KMT2E: variants seen among roughly 807,000 people sequenced by gnomAD.
KMT2E encodes the protein histone reader KMT2E.
In KMT2E, 30 loss-of-function variants were observed where a neutral mutation model predicts 184.6. That is an observed-to-expected ratio of 0.16 (90% CI 0.12 to 0.22). KMT2E has a LOEUF of 0.22. KMT2E is among the 10% of genes least tolerant of loss of function. KMT2E has a pLI of 1.00. For synonymous variants in KMT2E, 815 were observed against 776.5 expected, an observed-to-expected ratio of 1.05 and a Z score of -0.82; for missense variants, 2,023 against 2,237.4, an observed-to-expected ratio of 0.90 and a Z score of 1.93.
At chr7:105,044,708 A>G (rs1796024820) in intron 3 of KMT2E, among the ~76,000 whole-genome samples, 1 of 152,200 alleles carries the variant, frequency 6.6e-6, no homozygotes, top group Admixed American at 6.5e-5. Context: ...CATACCAGGC[A>G]GGACACAGTA....
intron 4 of KMT2E, 58 bp downstream of exon 4, chr7:105,062,336 T>TA: frequency 8.9e-7 from 1 of 1,120,450 alleles, no homozygotes. Flanking sequence ...TGAAAGTAGA[T>TA]GCATGTGATA....
At chr7:105,092,418 G>A (rs191225906) in intron 15 of KMT2E, among the ~76,000 whole-genome samples, 2 of 152,164 alleles carry the variant, frequency 1.3e-5, no homozygotes, top group African/African-American at 2.4e-5. Flanking sequence ...AAAAAGTTTG[G>A]TCATTGTTGA....
chr7:105,088,178 C>T (rs1005664464), intron 13 of KMT2E, among the ~76,000 whole-genome samples: 4 of 152,252 alleles, frequency 2.6e-5, no homozygotes, highest in South Asian at 2.1e-4. Context: ...TCACTGACTA[C>T]GTAACCTTGG....
intron 15 of KMT2E, among the ~76,000 whole-genome samples, chr7:105,097,716 A>C (rs1798471438): frequency 6.6e-6 from 1 of 152,158 alleles, no homozygotes; most frequent in African/African-American, 2.4e-5. Flanking sequence ...CTCAGTTCAA[A>C]CAAAATGAGG....
At chr7:105,092,872 T>C (rs1798262287) in intron 15 of KMT2E, among the ~76,000 whole-genome samples, 1 of 152,080 alleles carries the variant, frequency 6.6e-6, no homozygotes, top group Non-Finnish European at 1.5e-5. Context: ...AGGGCTGTAG[T>C]GACCACTTTG....
chr7:105,101,997 A>G lies in KMT2E; in HGVS notation c.1999A>G (p.Arg667Gly). Residue 667 changes from arginine to glycine, a missense_variant, in exon 17 of 27, where the codon AGA becomes GGA. Transcript: ENST00000311117. ...GACTCACATTGGACAGCAGCGTCGG[A>G]GACACAGAACTGTCAGCATGTGTTC... ...SRTHIGQQRR[R>G]HRTVSMCSDI... 1 of 1,614,002 alleles carries G rather than the reference A, an allele frequency of 6.2e-7. No individual in the cohort carries two copies. The highest frequency in any genetic ancestry group is 8.5e-7 in the Non-Finnish European group (1 of 1,179,902).
chr7:105,021,234 GCTT>G (rs1206876129), intron 1 of KMT2E, among the ~76,000 whole-genome samples: 4 of 152,196 alleles, frequency 2.6e-5, no homozygotes, highest in South Asian at 2.1e-4. Flanking sequence ...ATAAGTCTCT[GCTT>G]CTTCTCTTTA....
At chr7:105,035,900 T>G (rs904892207) in intron 1 of KMT2E, among the ~76,000 whole-genome samples, 1 of 152,080 alleles carries the variant, frequency 6.6e-6, no homozygotes, top group Non-Finnish European at 1.5e-5. Flanking sequence ...TTTGCCCACG[T>G]TTGTGGTGTT....
chr7:105,046,903 G>A (rs193266721), intron 3 of KMT2E, among the ~76,000 whole-genome samples: 23 of 152,276 alleles, frequency 1.5e-4, no homozygotes, highest in Non-Finnish European at 1.0e-4. Context: ...TCCCAAGACC[G>A]TCCACAGGCT....
chr7:105,015,278 C>A (rs1271140128), intron 1 of KMT2E, among the ~76,000 whole-genome samples: 1 of 152,112 alleles, frequency 6.6e-6, no homozygotes, highest in East Asian at 1.9e-4. Context: ...TGGCAGCAGA[C>A]ACAGATGAGA....
At chr7:105,068,119 C>T (rs1014821942) in intron 6 of KMT2E, among the ~76,000 whole-genome samples, 2 of 152,158 alleles carry the variant, frequency 1.3e-5, no homozygotes, top group Non-Finnish European at 2.9e-5. Flanking sequence ...GTTACCATTA[C>T]AGTGTGCATG....
chr7:105,058,757 G>A lies in KMT2E; in HGVS notation c.72-3407G>A, dbSNP rs188969121. ...TTTCATTACCTGCTACTAGGTTGGTGCAAAAGTAATTGCAGTTTATTTTTG... is the reference window on the plus strand; with the variant it reads ...TTTCATTACCTGCTACTAGGTTGGTACAAAAGTAATTGCAGTTTATTTTTG... On this transcript the variant is annotated intron_variant, in intron 3 of 26. Coordinates refer to ENST00000311117, the MANE Select transcript of KMT2E (RefSeq NM_182931.3). 3.7e-4 allele frequency among the ~76,000 whole-genome samples: 57 copies of A among 152,238 alleles called. No individual in the cohort carries two copies. The Middle Eastern group carries it at 0.01, about 27-fold the overall frequency.
intron 1 of KMT2E, among the ~76,000 whole-genome samples, chr7:105,030,420 C>T (rs1020851114): frequency 6.6e-6 from 1 of 151,984 alleles, no homozygotes; most frequent in Non-Finnish European, 1.5e-5. Flanking sequence ...AAGGATATGC[C>T]AACAATAGCA....
rs1246808020 is a variant in KMT2E, at chr7:105,111,044, A to G, written c.4068+176A>G. On this transcript the variant is annotated intron_variant, in intron 26 of 26. Coordinates refer to ENST00000311117, the MANE Select transcript of KMT2E (RefSeq NM_182931.3). ...TACTACTGTTTGTTCTTCTTACTGA[A>G]CATGTGATGGATAACTCTGACCAAA... 2.0e-5 allele frequency: 12 copies of G among 594,546 alleles called. No homozygotes were observed. In the Admixed American group the frequency reaches 3.4e-4, roughly 17 times the overall value. 36.8% of individuals were successfully genotyped at this position (594,546 alleles called of 1,614,324 possible).
Position 105,113,447 on chromosome 7 carries a change from C to T in KMT2E, c.*114C>T, listed in dbSNP as rs1480483375. ...ACATGAACCTTTGTATAAAAAACAC[C>T]AGTGCTCTTTCGTTGTATTTTTCTC... On this transcript the variant is annotated 3_prime_UTR_variant, in exon 27 of 27. Transcript: ENST00000311117. 3 of 1,144,304 alleles carry T rather than the reference C, an allele frequency of 2.6e-6. No individual in the cohort carries two copies. Among genetic ancestry groups the T allele is most frequent in the East Asian group, 2.7e-5 (1 of 37,608 alleles). The allele number at this position is 1,144,304 out of a possible 1,614,324, so 70.9% of individuals were successfully genotyped here. A position where few individuals can be genotyped will look rare whatever the true frequency, so the allele number is the denominator to read the frequency against.
chr7:105,078,089 T>C (rs1797605245), intron 11 of KMT2E, among the ~76,000 whole-genome samples: 2 of 152,238 alleles, frequency 1.3e-5, no homozygotes. Flanking sequence ...ATTTATTGTT[T>C]ATAACTTGAA....
intron 12 of KMT2E, among the ~76,000 whole-genome samples, chr7:105,080,957 T>G (rs1416302543): frequency 1.3e-5 from 2 of 151,654 alleles, no homozygotes; most frequent in Non-Finnish European, 2.9e-5. Flanking sequence ...GAGCCAAGAT[T>G]GCATCATTGC....
At chr7:105,061,124 A>G (rs1562899092) in intron 3 of KMT2E, among the ~76,000 whole-genome samples, 1 of 152,058 alleles carries the variant, frequency 6.6e-6, no homozygotes, top group Non-Finnish European at 1.5e-5. Context: ...AACAGCAGCC[A>G]CTGAGAGCTA....
chr7:105,084,469 TA>T (rs1337831612), intron 13 of KMT2E, among the ~76,000 whole-genome samples: 2 of 151,414 alleles, frequency 1.3e-5, no homozygotes, highest in African/African-American at 2.4e-5. Flanking sequence ...CTACTAAAAA[TA>T]AAAAAAATTA....
Sources: allele counts gnomAD v4.1 joint callset (sites outside exome capture counted in the v4.1 genomes callset), GRCh38; gene constraint gnomAD v4.1.1; transcripts MANE v1.5; gene names NCBI Gene and HGNC (gene_info 2026-07-23, HGNC 2026-07-21).